MAGI1: variants seen among roughly 807,000 people sequenced by gnomAD.
MAGI1 encodes membrane-associated guanylate kinase, WW and PDZ domain-containing protein 1.
Under a neutral mutation model 139.9 loss-of-function variants are expected in MAGI1, and 58 were observed. That is an observed-to-expected ratio of 0.41 (90% CI 0.34 to 0.52). The LOEUF (loss-of-function observed/expected upper bound fraction) is 0.52. Ranked by LOEUF, MAGI1 falls within the 20% of genes least tolerant of loss-of-function variation. MAGI1 has a pLI of 0.12. For missense variants in MAGI1, 1,874 were observed against 1,901.6 expected, an observed-to-expected ratio of 0.99 and a Z score of 0.27; for synonymous variants, 812 against 737.9, an observed-to-expected ratio of 1.10 and a Z score of -1.63.
chr3:65,833,226 C>A (rs1237308865), intron 1 of MAGI1, among the ~76,000 whole-genome samples: 1 of 151,998 alleles, frequency 6.6e-6, no homozygotes, highest in East Asian at 1.9e-4. Context: ...TCAAGAGATT[C>A]TCCTACCTAA....
At chr3:65,384,655 C>T (rs1943303817) in intron 14 of MAGI1, among the ~76,000 whole-genome samples, 1 of 152,066 alleles carries the variant, frequency 6.6e-6, no homozygotes, top group Non-Finnish European at 1.5e-5. Context: ...ATCACTTGAG[C>T]CAGGGAGGTT....
At chr3:65,624,689 T>C (rs1046669334) in intron 1 of MAGI1, among the ~76,000 whole-genome samples, 3 of 152,198 alleles carry the variant, frequency 2.0e-5, no homozygotes, top group Non-Finnish European at 2.9e-5. Context: ...TATGGATCTA[T>C]GGGTCTTCCC....
chr3:65,431,069 G>A (rs992876505), intron 10 of MAGI1, among the ~76,000 whole-genome samples, 188 bp from the exon 11 acceptor site: 1 of 152,144 alleles, frequency 6.6e-6, no homozygotes, highest in East Asian at 1.9e-4. Context: ...TGTTGATGGA[G>A]GGAGGTAAAG....
chr3:65,599,244 A>C (rs1458554512), intron 2 of MAGI1, among the ~76,000 whole-genome samples: 6 of 152,220 alleles, frequency 3.9e-5, no homozygotes. Flanking sequence ...AGCAGGCTTT[A>C]CGGGTGCGGG....
intron 1 of MAGI1, among the ~76,000 whole-genome samples, chr3:65,733,628 G>A (rs1316258265): frequency 6.6e-6 from 1 of 152,198 alleles, no homozygotes; most frequent in Admixed American, 6.5e-5. Context: ...TATAGGGACA[G>A]ATGTAGCAGA....
At chr3:65,435,777 A>G (rs1947804480) in intron 10 of MAGI1, among the ~76,000 whole-genome samples, 1 of 152,172 alleles carries the variant, frequency 6.6e-6, no homozygotes, top group Non-Finnish European at 1.5e-5. Flanking sequence ...ACCTGAGGTG[A>G]ACAGGAGTTA....
At chr3:65,395,951 T>G (rs1033550003) in intron 13 of MAGI1, among the ~76,000 whole-genome samples, 11 of 151,940 alleles carry the variant, frequency 7.2e-5, no homozygotes, top group African/African-American at 2.7e-4. Flanking sequence ...CCAGGTGCAG[T>G]CAATGTGGGG....
In MAGI1 at chr3:65,850,794, C is replaced by A. The variant is rs552238785; in HGVS notation, c.313+187202G>T. ...CATTAACCTTGCTCTAGGCCCCAGT[C>A]AGGCTACCTTTATTTTAAAAATATG... On this transcript the variant is annotated intron_variant, in intron 1 of 22. Coordinates refer to ENST00000402939, the MANE Select transcript of MAGI1 (RefSeq NM_001033057.2). Among the ~76,000 whole-genome samples the A allele has an allele frequency of 1.4e-3, 206 of 152,226 alleles. 1 individual carries two copies. Among genetic ancestry groups the A allele is most frequent in the Admixed American group, 2.2e-3 (34 of 15,272 alleles).
chr3:65,797,428 G>A (rs2040218733), intron 1 of MAGI1, among the ~76,000 whole-genome samples: 1 of 152,168 alleles, frequency 6.6e-6, no homozygotes, highest in Non-Finnish European at 1.5e-5. Context: ...TGAGAAGAAA[G>A]AAAACAGAAA....
chr3:65,868,250 G>T (rs1237977714), intron 1 of MAGI1, among the ~76,000 whole-genome samples: 1 of 152,156 alleles, frequency 6.6e-6, no homozygotes, highest in Non-Finnish European at 1.5e-5. Flanking sequence ...GAGGATGGAT[G>T]ACAGTGATCA....
At chr3:65,436,418 G>C (rs2107384700) in intron 10 of MAGI1, among the ~76,000 whole-genome samples, 2 of 152,224 alleles carry the variant, frequency 1.3e-5, no homozygotes, top group South Asian at 4.1e-4. Flanking sequence ...AAAGTTGCAA[G>C]GTTCTGGAGC....
intron 2 of MAGI1, among the ~76,000 whole-genome samples, chr3:65,528,582 A>T (rs1161862040): frequency 6.6e-6 from 1 of 152,228 alleles, no homozygotes. Context: ...AGAAAATATC[A>T]CCTATCACAA....
rs1276571298 is a variant in MAGI1, at chr3:65,478,794, G to C, written c.555C>G (p.Asn185Lys). 1.2e-6 allele frequency: 2 copies of C among 1,611,424 alleles called. No individual in the cohort carries two copies. The highest frequency in any genetic ancestry group is 2.7e-5 in the African/African-American group (2 of 74,674). ...TLLEVGTYEG[N>K]YYGTPKPPSQ... ...TAGGAGGCTTGGGTGTCCCATAATA[G>C]TTTCCTAGGTGATGGAGAGACACAT... Residue 185 changes from asparagine to lysine, a missense_variant, in exon 4 of 23, where the codon AAC becomes AAG. Asn to Lys is a moderately conservative substitution (Grantham distance 94). Coordinates refer to ENST00000402939, the MANE Select transcript of MAGI1 (RefSeq NM_001033057.2).
chr3:65,436,510 A>G (rs1212944117), intron 10 of MAGI1, among the ~76,000 whole-genome samples: 2 of 152,192 alleles, frequency 1.3e-5, no homozygotes, highest in Non-Finnish European at 2.9e-5. Context: ...GAAACGTTGT[A>G]AACATGCATA....
chr3:65,737,204 C>T (rs1398938043), intron 1 of MAGI1, among the ~76,000 whole-genome samples: 3 of 152,092 alleles, frequency 2.0e-5, no homozygotes, highest in Non-Finnish European at 4.4e-5. Context: ...GGGGTTTCAC[C>T]GTGTTATAGC....
At chr3:65,679,539 G>T (rs562124378) in intron 1 of MAGI1, among the ~76,000 whole-genome samples, 1 of 152,086 alleles carries the variant, frequency 6.6e-6, no homozygotes, top group African/African-American at 2.4e-5. Flanking sequence ...CTCCAGCCTA[G>T]GTGACAGAGC....
chr3:65,756,416 A>G (rs1216484795), intron 1 of MAGI1, among the ~76,000 whole-genome samples: 4 of 152,202 alleles, frequency 2.6e-5, no homozygotes, highest in African/African-American at 9.7e-5. Context: ...GTAAATTTAG[A>G]ACACTTTAAA....
At position 65,903,932 on chromosome 3, in the gene MAGI1, C is replaced by G. The variant is rs369463320; in HGVS notation, c.313+134064G>C. 1.3e-4 allele frequency among the ~76,000 whole-genome samples: 20 copies of G among 151,906 alleles called. 1 individual carries two copies. Among genetic ancestry groups the G allele is most frequent in the African/African-American group, 4.6e-4 (19 of 41,414 alleles). ...CTGATGCAGGAGAATCGCTTGAACC[C>G]AGAAGGTGGAGGTTGCAGTGAGCCG... On this transcript the variant is annotated intron_variant, in intron 1 of 22. Transcript: ENST00000402939.
chr3:65,557,424 T>TG (rs1335151630), intron 2 of MAGI1, among the ~76,000 whole-genome samples: 1 of 152,202 alleles, frequency 6.6e-6, no homozygotes, highest in Non-Finnish European at 1.5e-5. Flanking sequence ...ACTGTATCCC[T>TG]GCCTGACAGC....
Sources: allele counts gnomAD v4.1 joint callset (sites outside exome capture counted in the v4.1 genomes callset), GRCh38; gene constraint gnomAD v4.1.1; transcripts MANE v1.5; gene names NCBI Gene and HGNC (gene_info 2026-07-23, HGNC 2026-07-21).